Variants in KARS1 observed in about 807,000 individuals in gnomAD.
KARS1 encodes the protein lysyl-tRNA synthetase 1, also known as lysine--tRNA ligase.
A neutral mutation model predicts 63.9 loss-of-function variants in KARS1; 50 were observed. That is an observed-to-expected ratio of 0.78 (90% CI 0.62 to 0.99). The LOEUF (loss-of-function observed/expected upper bound fraction) is 0.99, where lower values mean the gene tolerates loss of function less well. Among genes scored for constraint, KARS1 ranks in the 50% least tolerant of loss-of-function variants. The probability of loss-of-function intolerance (pLI) is 0.00; values close to 1 mark genes in which losing one functional copy is unlikely to be tolerated. For synonymous variants in KARS1, 320 were observed against 264.6 expected (o/e 1.21, Z -2.03); for missense variants, 816 against 754.5 (o/e 1.08, Z -0.95).
intron 6 of KARS1, 49 bp from the exon 7 acceptor site, chr16:75,634,341 G>C: frequency 6.2e-7 from 1 of 1,601,908 alleles, no homozygotes; most frequent in Non-Finnish European, 8.5e-7. Context: ...CAGAGGCCTT[G>C]GGGACAGACC....
chr16:75,647,458 G>A, intron 1 of KARS1, 120 bp downstream of exon 1: 1 of 921,482 alleles, frequency 1.1e-6, no homozygotes, highest in Non-Finnish European at 1.7e-6. Flanking sequence ...CTCAGCATGT[G>A]CGTACCCACG....
intron 3 of KARS1, 143 bp downstream of exon 3, chr16:75,640,041 G>T (rs1000924545): frequency 2.9e-5 from 21 of 729,548 alleles, no homozygotes; most frequent in African/African-American, 2.8e-4. Flanking sequence ...TTTCTGTATA[G>T]ATATAATGGC....
chr16:75,634,421 GTGCAAGTGCT>G (rs1435909246), intron 6 of KARS1, 129 bp from the exon 7 acceptor site: 54 of 927,684 alleles, frequency 5.8e-5, no homozygotes, highest in Middle Eastern at 3.2e-4. Flanking sequence ...CAACAGTAAT[GTGCAAGTGCT>G]TGACAAAAAA....
At chr16:75,628,194 G>A (rs1234681054) in intron 13 of KARS1, among the ~76,000 whole-genome samples, 1 of 152,190 alleles carries the variant, frequency 6.6e-6, no homozygotes, top group Non-Finnish European at 1.5e-5. Context: ...GCATAGCACT[G>A]CCTAGGGCAC....
At chr16:75,630,693 T>G (rs2082102425) in intron 10 of KARS1, among the ~76,000 whole-genome samples, 185 bp from the exon 11 acceptor site, 1 of 152,044 alleles carries the variant, frequency 6.6e-6, no homozygotes, top group Non-Finnish European at 1.5e-5. Context: ...TGGAGTGCAG[T>G]GGCATGATCT....
chr16:75,643,647 G>A (rs959331636), intron 1 of KARS1, among the ~76,000 whole-genome samples: 1 of 152,116 alleles, frequency 6.6e-6, no homozygotes, highest in Non-Finnish European at 1.5e-5. Context: ...CCAAAGTGCT[G>A]GGATTACAGG....
Position 75,641,569 on chromosome 16 carries a change from G to T in KARS1, c.217C>A (p.Pro73Thr). ...GVGPEEESVD[P>T]NQYYKIRSQA... ...TGGTGGCCCAGGGAACTCACATTTG[G>T]GTCCACGCTCTCTTCCTCAGGACCC... Residue 73 changes from proline (P) to threonine (T), a missense_variant, in exon 2 of 14, where the codon CCA becomes ACA. Transcript: ENST00000302445. 1 of 1,613,258 alleles carries T rather than the reference G, an allele frequency of 6.2e-7. No homozygotes were observed. Among genetic ancestry groups the T allele is most frequent in the Non-Finnish European group, 8.5e-7 (1 of 1,179,686 alleles).
intron 12 of KARS1, chr16:75,628,933 A>C: frequency 6.8e-6 from 4 of 587,044 alleles, no homozygotes; most frequent in Non-Finnish European, 1.2e-5. Context: ...GAACACATAC[A>C]AATTTCTCTG....
intron 3 of KARS1, among the ~76,000 whole-genome samples, chr16:75,639,557 G>C (rs2082200137): frequency 7.9e-6 from 1 of 126,580 alleles, no homozygotes; most frequent in South Asian, 2.6e-4. Context: ...GGGAGACAGA[G>C]TGAGACTATA....
rs772853728 is a variant in KARS1 at position 75,634,146 on chromosome 16, G to A, written c.915+27C>T. On this transcript the variant is annotated intron_variant, in intron 7 of 13. Transcript: ENST00000302445. The stretch of plus-strand genomic sequence containing the variant: ...TATTCCAGCTTTCTGCTTCTTTAAG[G>A]GAAAAGGGTGTACTATTACTGACTA... 4 of 1,611,710 alleles carry A rather than the reference G, an allele frequency of 2.5e-6. No individual in the cohort carries two copies. In the South Asian group the frequency reaches 3.3e-5, roughly 13 times the overall value.
In KARS1 at chr16:75,634,710, G is replaced by A. The variant is rs144056009; in HGVS notation, c.796-418C>T. Among the ~76,000 whole-genome samples, 1,469 of 152,160 alleles carry A rather than the reference G, an allele frequency of 9.7e-3. 33 individuals are homozygous for A. The highest frequency in any genetic ancestry group is 0.03 in the African/African-American group (1,246 of 41,488). The stretch of plus-strand genomic sequence containing the variant: ...CCTGACTCAGACTCCAAAGTAGCTG[G>A]GACTACAGGTGCCTGCCACCACGCC... On this transcript the variant is annotated intron_variant, in intron 6 of 13. Coordinates refer to ENST00000302445, the MANE Select transcript of KARS1 (RefSeq NM_005548.3).
At chr16:75,633,805 C>T (rs150217040) in intron 7 of KARS1, among the ~76,000 whole-genome samples, 235 of 152,310 alleles carry the variant, frequency 1.5e-3, no homozygotes, top group African/African-American at 5.3e-3. Context: ...GTGTGAGGCC[C>T]GCGCCAGGCC....
chr16:75,641,598 C>A lies in KARS1; in HGVS notation c.188G>T (p.Gly63Val). 6.2e-7 allele frequency: 1 copy of A among 1,614,064 alleles called. No homozygotes were observed. ...CACGCTCTCTTCCTCAGGACCCACA[C>A]CATTATCAGTGGTGTGGTTGGTGGC... ...AAATNHTTDN[G>V]VGPEEESVDP... The change falls in exon 2 of 14, where the codon GGT becomes GTT. Residue 63 changes from glycine to valine, a missense_variant. Transcript: ENST00000302445.
intron 1 of KARS1, among the ~76,000 whole-genome samples, chr16:75,643,688 A>G (rs779533733): frequency 6.6e-6 from 1 of 152,192 alleles, no homozygotes; most frequent in Non-Finnish European, 1.5e-5. Flanking sequence ...CGAATCTTTC[A>G]TCTTGTAAAA....
At chr16:75,644,504 A>G in intron 1 of KARS1, 1 of 1,445,320 alleles carries the variant, frequency 6.9e-7, no homozygotes, top group Non-Finnish European at 9.4e-7. Flanking sequence ...TGGGACAGAC[A>G]GTATACATAT....
At chr16:75,631,630 G>A in intron 8 of KARS1, 41 bp from the exon 9 acceptor site, 2 of 1,613,806 alleles carry the variant, frequency 1.2e-6, no homozygotes, top group South Asian at 2.2e-5. Context: ...TGAAATCCAG[G>A]CAGCCCTCCT....
intron 2 of KARS1, 139 bp downstream of exon 2, chr16:75,641,425 C>A: frequency 1.3e-5 from 9 of 696,888 alleles, no homozygotes; most frequent in Non-Finnish European, 7.4e-6. Context: ...TAACCAGATG[C>A]AGTGGGAGAC....
rs574610592 is a variant in KARS1 at position 75,637,414 on chromosome 16, C to T, written c.389-867G>A. On this transcript the variant is annotated intron_variant, in intron 3 of 13. Transcript: ENST00000302445. ...ATGTGAACCTTTTCCTCCAGGCTCACTGGGGGAGAGCAGCTGAAACAGGGA... is the reference window on the plus strand; with the variant it reads ...ATGTGAACCTTTTCCTCCAGGCTCATTGGGGGAGAGCAGCTGAAACAGGGA... Among the ~76,000 whole-genome samples, 3 of 152,172 alleles carry T rather than the reference C, an allele frequency of 2.0e-5. No homozygotes were observed. The South Asian group carries it at 6.2e-4, about 32-fold the overall frequency.
intron 3 of KARS1, among the ~76,000 whole-genome samples, chr16:75,638,032 C>T (rs750910679): frequency 7.9e-5 from 12 of 152,058 alleles, no homozygotes; most frequent in Middle Eastern, 6.8e-3. Context: ...AAAACGAAAC[C>T]GTGCTTCCTT....
Sources: allele counts gnomAD v4.1 joint callset (sites outside exome capture counted in the v4.1 genomes callset), GRCh38; gene constraint gnomAD v4.1.1; transcripts MANE v1.5; gene names NCBI Gene and HGNC (gene_info 2026-07-23, HGNC 2026-07-21).